Variants in PSD observed in about 807,000 individuals in gnomAD.
The protein encoded by PSD is PH and SEC7 domain-containing protein 1.
A neutral mutation model predicts 91.6 loss-of-function variants in PSD; 32 were observed. The observed-to-expected ratio is 0.35, with a 90% CI of 0.26 to 0.47. The LOEUF (loss-of-function observed/expected upper bound fraction) is 0.47. PSD is among the 20% of genes least tolerant of loss of function. PSD has a pLI of 1.00. For synonymous variants in PSD, 532 were observed against 569.3 expected (o/e 0.93, Z 0.93); for missense variants, 1,099 against 1,373.9 (o/e 0.80, Z 3.16).
At chr10:102,408,486 C>T (rs2061387378) in intron 10 of PSD, among the ~76,000 whole-genome samples, 3 of 152,152 alleles carry the variant, frequency 2.0e-5, no homozygotes, top group African/African-American at 7.2e-5. Context: ...CAGACGAAAC[C>T]CAGCATGGCT....
Position 102,403,829 on chromosome 10 carries a change from C to T in PSD, c.2844+13G>A. The T allele has an allele frequency of 1.9e-6, 3 of 1,608,642 alleles. No homozygotes were observed. The highest frequency in any genetic ancestry group is 2.5e-6 in the Non-Finnish European group (3 of 1,177,048). On this transcript the variant is annotated intron_variant, in intron 16 of 16. Transcript: ENST00000020673. This position sits in a 1 kb window ranked among gnomAD's most constrained non-coding sequence, Gnocchi z 6.7. ...CTGCGTGTGTGGACAGAGGGGCAGACAGGGAGGCTCACCTCAAACTCCAGG... is the reference window on the plus strand; with the variant it reads ...CTGCGTGTGTGGACAGAGGGGCAGATAGGGAGGCTCACCTCAAACTCCAGG...
intron 3 of PSD, 91 bp downstream of exon 3, chr10:102,415,926 G>A: frequency 3.3e-6 from 3 of 900,716 alleles, no homozygotes. Flanking sequence ...TCCAAGGATT[G>A]GGGGAAGTTT....
upstream of PSD, chr10:102,418,874 C>A: frequency 2.6e-6 from 1 of 381,024 alleles, no homozygotes. Context: ...CCGCCCTCTC[C>A]CAGGGCCCAG....
Position 102,412,580 on chromosome 10 carries a change from C to T in PSD, c.1554-5G>A, listed in dbSNP as rs569652548. 46 of 1,606,158 alleles carry T rather than the reference C, an allele frequency of 2.9e-5. No homozygotes were observed. Among genetic ancestry groups the T allele is most frequent in the South Asian group, 1.9e-4 (17 of 90,550 alleles). On this transcript the variant is annotated splice_region_variant and splice_polypyrimidine_tract_variant and intron_variant, in intron 5 of 16. Transcript: ENST00000020673. Reference sequence around the variant, plus strand: ...AGCTGGCTCAGGGGTGGTTCGCTGCCGGGGTAGAACACCAGCTCAGGCTGG... The same window carrying T: ...AGCTGGCTCAGGGGTGGTTCGCTGCTGGGGTAGAACACCAGCTCAGGCTGG...
rs2061401793 is a variant in PSD at position 102,409,375 on chromosome 10, G to C, written c.2091+1483C>G. On this transcript the variant is annotated intron_variant, in intron 10 of 16. Transcript: ENST00000020673. This position sits in a 1 kb window ranked among gnomAD's most constrained non-coding sequence, Gnocchi z 5.7. ...AAATGGAGGCGCCCGATCGCGAAGGGGGCCCTCCCCGCGCGGCCACGGGGA... is the reference window on the plus strand; with the variant it reads ...AAATGGAGGCGCCCGATCGCGAAGGCGGCCCTCCCCGCGCGGCCACGGGGA... The C allele has an allele frequency of 5.1e-6, 5 of 985,026 alleles. No individual in the cohort carries two copies. Among genetic ancestry groups the C allele is most frequent in the Non-Finnish European group, 6.0e-6 (5 of 829,514 alleles). 61.0% of individuals were successfully genotyped at this position (985,026 alleles called of 1,614,324 possible).
chr10:102,409,185 A>G lies in PSD; in HGVS notation c.2091+1673T>C, dbSNP rs994385587. 1 of 980,436 alleles carries G rather than the reference A, an allele frequency of 1.0e-6. No homozygotes were observed. Among genetic ancestry groups the G allele is most frequent in the African/African-American group, 1.8e-5 (1 of 56,452 alleles). 60.7% of individuals were successfully genotyped at this position (980,436 alleles called of 1,614,324 possible). A position where few individuals can be genotyped will look rare whatever the true frequency, so the allele number is the denominator to read the frequency against. On this transcript the variant is annotated intron_variant, in intron 10 of 16. Coordinates refer to ENST00000020673, the MANE Select transcript of PSD (RefSeq NM_002779.5). This position sits in a 1 kb window ranked among gnomAD's most constrained non-coding sequence, Gnocchi z 5.7. ...GGACGGCCCGCGGACCGCTCCCCCG[A>G]CAGCCAGCGCGAGCGGCGCGGCCCG...
chr10:102,410,688 G>A lies in PSD; in HGVS notation c.2091+170C>T, dbSNP rs543072641. ...TGTTCCGGGAGAGCCTGCGCGTGGG[G>A]CCTGGGGAGGGGGCGGTCCCCAGGC... On this transcript the variant is annotated intron_variant, in intron 10 of 16. Transcript: ENST00000020673. This position sits in a 1 kb window ranked among gnomAD's most constrained non-coding sequence, Gnocchi z 6.0. Among the ~76,000 whole-genome samples the A allele has an allele frequency of 4.3e-4, 65 of 152,332 alleles. No individual in the cohort carries two copies. The highest frequency in any genetic ancestry group is 1.3e-3 in the African/African-American group (56 of 41,578).
chr10:102,407,030 A>G (rs1342555866), intron 11 of PSD, among the ~76,000 whole-genome samples, 193 bp downstream of exon 11: 1 of 152,116 alleles, frequency 6.6e-6, no homozygotes, highest in Non-Finnish European at 1.5e-5. Context: ...CAACCCAGCT[A>G]GAGACAAGAT....
Position 102,405,315 on chromosome 10 carries a change from G to A in PSD, c.2326+31C>T. 6.2e-7 allele frequency: 1 copy of A among 1,607,936 alleles called. No homozygotes were observed. The highest frequency in any genetic ancestry group is 8.5e-7 in the Non-Finnish European group (1 of 1,178,538). ...CAGGCCCACTCCCATCCATCCCCTA[G>A]ACGCCCGCCCCCCGCAACTCGGCCA... On this transcript the variant is annotated intron_variant, in intron 12 of 16. Transcript: ENST00000020673. The surrounding 1 kb of genome is among the most constrained non-coding windows in gnomAD (Gnocchi z 5.4).
At position 102,404,438 on chromosome 10, in the gene PSD, TG is replaced by T; in HGVS notation, c.2700+144del. The T allele has an allele frequency of 9.4e-7, 1 of 1,059,968 alleles. No individual in the cohort carries two copies. Among genetic ancestry groups the T allele is most frequent in the Non-Finnish European group, 1.3e-6 (1 of 772,026 alleles). 65.7% of individuals were successfully genotyped at this position (1,059,968 alleles called of 1,614,324 possible). A position where few individuals can be genotyped will look rare whatever the true frequency, so the allele number is the denominator to read the frequency against. Reference sequence around the variant, plus strand: ...CCGGCAAGCGGGACCCAGTGGGGGCTGGATTTCAGTCCCTGCTCACCCCTGT... The same window carrying T: ...CCGGCAAGCGGGACCCAGTGGGGGCTGATTTCAGTCCCTGCTCACCCCTGT... On this transcript the variant is annotated intron_variant, in intron 15 of 16. Coordinates refer to ENST00000020673, the MANE Select transcript of PSD (RefSeq NM_002779.5). The surrounding 1 kb of genome is among the most constrained non-coding windows in gnomAD (Gnocchi z 5.7).
At chr10:102,406,538 C>T (rs538364120) in intron 11 of PSD, among the ~76,000 whole-genome samples, 1 of 145,408 alleles carries the variant, frequency 6.9e-6, no homozygotes, top group Non-Finnish European at 1.5e-5. Context: ...GACGGAGTCT[C>T]TCTCTGTCAC....
Position 102,415,029 on chromosome 10 carries a change from T to C in PSD, c.958A>G (p.Ser320Gly), listed in dbSNP as rs774151281. 2.5e-6 allele frequency: 4 copies of C among 1,613,680 alleles called. No individual in the cohort carries two copies. Among genetic ancestry groups the C allele is most frequent in the Admixed American group, 1.7e-5 (1 of 59,994 alleles). Residue 320 changes from serine to glycine, a missense_variant, in exon 4 of 17, where the codon AGC (serine) becomes GGC (glycine). Ser to Gly is a moderately conservative substitution (Grantham distance 56). This residue lies in a region of PSD where 631 missense variants were observed against 728.8 expected (regional missense o/e 0.87). Coordinates refer to ENST00000020673, the MANE Select transcript of PSD (RefSeq NM_002779.5). ...GCAGTGCCTGGTGGGCCCTCAGAGC[T>C]GGGCTGACTTTCGATGGCCGAGTCG... ...EADSAIESQPSSEGPPGTAYP... is the reference protein window; with the variant it reads ...EADSAIESQPGSEGPPGTAYP...
intron 7 of PSD, 137 bp from the exon 8 acceptor site, chr10:102,411,956 G>C: frequency 1.1e-6 from 1 of 902,126 alleles, no homozygotes; most frequent in South Asian, 1.4e-5. Context: ...TATGCACCCT[G>C]ACCCTCCACC....
Position 102,404,576 on chromosome 10 carries a change from G to C in PSD, c.2700+7C>G. Reference sequence around the variant, plus strand: ...CACTGGCACTAGGTGGACAGAGCTTGGGCTACCTGGGAGAGGCGGGTGGCA... The same window carrying C: ...CACTGGCACTAGGTGGACAGAGCTTCGGCTACCTGGGAGAGGCGGGTGGCA... On this transcript the variant is annotated splice_region_variant and intron_variant, in intron 15 of 16. Coordinates refer to ENST00000020673, the MANE Select transcript of PSD (RefSeq NM_002779.5). This position sits in a 1 kb window ranked among gnomAD's most constrained non-coding sequence, Gnocchi z 5.7. 6.2e-7 allele frequency: 1 copy of C among 1,611,710 alleles called. No homozygotes were observed. Among genetic ancestry groups the C allele is most frequent in the South Asian group, 1.1e-5 (1 of 90,776 alleles).
intron 3 of PSD, 32 bp downstream of exon 3, chr10:102,415,985 C>A (rs2061474461): frequency 6.4e-7 from 1 of 1,558,860 alleles, no homozygotes; most frequent in South Asian, 1.1e-5. Flanking sequence ...AAGGCCCTGC[C>A]CTGTTCTCCC....
chr10:102,403,395 C>T lies in PSD; in HGVS notation c.2880G>A (p.Arg960=). 6.2e-7 allele frequency: 1 copy of T among 1,613,298 alleles called. No homozygotes were observed. The highest frequency in any genetic ancestry group is 8.5e-7 in the Non-Finnish European group (1 of 1,179,956). Residue 960 remains arginine (R), a synonymous_variant, in exon 17 of 17, where the codon CGG becomes CGA. Transcript: ENST00000020673. This position sits in a 1 kb window ranked among gnomAD's most constrained non-coding sequence, Gnocchi z 6.7. Reference sequence around the variant, plus strand: ...CCTCACTGCCTGCCTTCAGCTTGACCCGAAGCAGCGCTGCATAGGTGCTGT... The same window carrying T: ...CCTCACTGCCTGCCTTCAGCTTGACTCGAAGCAGCGCTGCATAGGTGCTGT... ...SRYSTYAALL[R]VKLKAGSEEL... is the part of the protein sequence containing the mutation.
rs751208337 is a variant in PSD, at chr10:102,416,439, A to G, written c.600T>C (p.Pro200=). ...SSLPNGLGGP[P]ERLATLFGGP... is the part of the protein sequence containing the mutation. ...CTCCGAAGAGTGTGGCCAGGCGCTC[A>G]GGGGGGCCCCCCAGCCCATTGGGGA... is the stretch of plus-strand genomic sequence containing the variant. Residue 200 remains proline, a synonymous_variant, in exon 2 of 17, where the codon CCT becomes CCC. Coordinates refer to ENST00000020673, the MANE Select transcript of PSD (RefSeq NM_002779.5). This position sits in a 1 kb window ranked among gnomAD's most constrained non-coding sequence, Gnocchi z 6.0. 1.1e-4 allele frequency: 176 copies of G among 1,612,094 alleles called. No individual in the cohort carries two copies. The highest frequency in any genetic ancestry group is 1.7e-4 in the Middle Eastern group (1 of 6,056).
intron 11 of PSD, 115 bp downstream of exon 11, chr10:102,407,108 C>T: frequency 1.1e-6 from 1 of 909,506 alleles, no homozygotes; most frequent in Non-Finnish European, 1.6e-6. Flanking sequence ...CCTCTCATGG[C>T]CTCTCACTCC....
Position 102,403,606 on chromosome 10 carries a change from A to G in PSD, c.2845-176T>C, listed in dbSNP as rs1251257581. On this transcript the variant is annotated intron_variant, in intron 16 of 16. Coordinates refer to ENST00000020673, the MANE Select transcript of PSD (RefSeq NM_002779.5). The surrounding 1 kb of genome is among the most constrained non-coding windows in gnomAD (Gnocchi z 6.7). ...GGGCTCTCCTGGGACCATCATCTAT[A>G]ACCTAATGTGTCTTGAGCCTTTACT... Among the ~76,000 whole-genome samples the G allele has an allele frequency of 2.0e-5, 3 of 152,112 alleles. No homozygotes were observed. The highest frequency in any genetic ancestry group is 2.0e-4 in the Admixed American group (3 of 15,282).
Sources: allele counts gnomAD v4.1 joint callset (sites outside exome capture counted in the v4.1 genomes callset), GRCh38; gene constraint gnomAD v4.1.1; regional missense constraint gnomAD v4.1.1; non-coding constraint Gnocchi (gnomAD v3.1); transcripts MANE v1.5; gene names NCBI Gene and HGNC (gene_info 2026-07-23, HGNC 2026-07-21).